SH3D19: variants seen among roughly 807,000 people sequenced by gnomAD.
SH3D19 encodes the protein SH3 domain-containing protein 19.
SH3D19 carries 58 observed loss-of-function variants against 112.1 expected under a neutral mutation model. The ratio of observed to expected loss-of-function variants is 0.52; its 90% CI spans 0.42 to 0.64. SH3D19 has a LOEUF of 0.64. SH3D19 is among the 30% of genes least tolerant of loss of function. The probability of loss-of-function intolerance (pLI) is 0.00; values close to 1 mark genes in which losing one functional copy is unlikely to be tolerated. For missense variants in SH3D19, 1,090 were observed against 1,263.4 expected (o/e 0.86, Z 2.08); for synonymous variants, 391 against 448.5 (o/e 0.87, Z 1.62).
rs557109354 is a variant in SH3D19 at position 151,141,815 on chromosome 4, C to T, written c.2224-1968G>A. Among the ~76,000 whole-genome samples the T allele has an allele frequency of 2.0e-5, 3 of 152,324 alleles. No individual in the cohort carries two copies. The South Asian group carries it at 6.2e-4, about 32-fold the overall frequency. ...AAAATGATGTCAGAGACCTACCACACACCAAACACAAACATGAAATCTCCA... is the reference window on the plus strand; with the variant it reads ...AAAATGATGTCAGAGACCTACCACATACCAAACACAAACATGAAATCTCCA... On this transcript the variant is annotated intron_variant, in intron 12 of 19. Transcript: ENST00000604030.
chr4:151,287,580 G>C (rs893521759), intron 1 of SH3D19, among the ~76,000 whole-genome samples: 1 of 152,106 alleles, frequency 6.6e-6, no homozygotes, highest in African/African-American at 2.4e-5. Context: ...AATCCAAACT[G>C]GGGGTAATTA....
At chr4:151,233,424 G>A (rs4467540) in intron 1 of SH3D19, among the ~76,000 whole-genome samples, 111,139 of 151,902 alleles carry the variant, frequency 0.73, 43,900 homozygotes, top group Non-Finnish European at 0.89. Context: ...ATTCCCTTTC[G>A]ATGCTCTAGG....
intron 2 of SH3D19, among the ~76,000 whole-genome samples, chr4:151,218,142 C>T (rs190581158): frequency 6.8e-4 from 104 of 152,216 alleles, no homozygotes; most frequent in African/African-American, 2.4e-3. Flanking sequence ...AGTTGTAGAA[C>T]TCTTAAGTGC....
Position 151,320,931 on chromosome 4 carries a change from T to A in SH3D19, c.112+4310A>T, listed in dbSNP as rs573483033. Among the ~76,000 whole-genome samples the A allele has an allele frequency of 1.1e-4, 17 of 152,180 alleles. No homozygotes were observed. The South Asian group carries it at 3.3e-3, about 30-fold the overall frequency. ...GGCATGCACCTGTAGTCCCATCTAC[T>A]TGGGAGGCTGAGGCAGGAGAAATCA... On this transcript the variant is annotated intron_variant, in intron 1 of 19. Transcript: ENST00000604030.
At chr4:151,277,797 T>C (rs1394325768) in intron 1 of SH3D19, among the ~76,000 whole-genome samples, 3 of 152,148 alleles carry the variant, frequency 2.0e-5, no homozygotes, top group Non-Finnish European at 4.4e-5. Flanking sequence ...TCCCAGCACT[T>C]TGGGATGCCA....
At chr4:151,250,471 G>A (rs889933450) in intron 1 of SH3D19, among the ~76,000 whole-genome samples, 1 of 151,402 alleles carries the variant, frequency 6.6e-6, no homozygotes, top group African/African-American at 2.4e-5. Context: ...ATGTGTATAT[G>A]GACCCCACAC....
intron 9 of SH3D19, among the ~76,000 whole-genome samples, chr4:151,158,504 T>C (rs1419310378): frequency 6.6e-6 from 1 of 152,032 alleles, no homozygotes; most frequent in Non-Finnish European, 1.5e-5. Flanking sequence ...TTCACCATGT[T>C]AACCAGGCTC....
intron 7 of SH3D19, among the ~76,000 whole-genome samples, chr4:151,169,102 T>TA (rs1758597760): frequency 6.6e-6 from 1 of 152,188 alleles, no homozygotes; most frequent in Non-Finnish European, 1.5e-5. Context: ...CCTATTCTGT[T>TA]AAAGGGTCCA....
intron 2 of SH3D19, among the ~76,000 whole-genome samples, chr4:151,214,749 G>T (rs1227435553): frequency 2.0e-5 from 2 of 99,168 alleles, no homozygotes; most frequent in Non-Finnish European, 5.0e-5. Context: ...TGGGGAGGCT[G>T]GCCGGGCAGG....
intron 2 of SH3D19, among the ~76,000 whole-genome samples, chr4:151,191,866 T>TG (rs1338696934): frequency 1.3e-5 from 2 of 150,024 alleles, no homozygotes; most frequent in Non-Finnish European, 3.0e-5. Flanking sequence ...AGGATGGTCT[T>TG]GATCTCCTGA....
chr4:151,270,473 G>A (rs1376172405), intron 1 of SH3D19, among the ~76,000 whole-genome samples: 1 of 152,170 alleles, frequency 6.6e-6, no homozygotes, highest in Non-Finnish European at 1.5e-5. Context: ...TATGCCTCCT[G>A]TGCAGCCTGC....
rs143420750 is a variant in SH3D19 at position 151,221,436 on chromosome 4, C to T, written c.152+4611G>A. 9.5e-3 allele frequency among the ~76,000 whole-genome samples: 1,440 copies of T among 152,312 alleles called. 22 individuals carry two copies. Among genetic ancestry groups the T allele is most frequent in the African/African-American group, 0.033 (1,374 of 41,550 alleles). On this transcript the variant is annotated intron_variant, in intron 2 of 19. Coordinates refer to ENST00000604030, the MANE Select transcript of SH3D19 (RefSeq NM_001378122.1). Reference sequence around the variant, plus strand: ...TGCTCAGCTGAGGATGGCAGGAGAACAGGTCACCGCCAATGTCAGCAGATA... The same window carrying T: ...TGCTCAGCTGAGGATGGCAGGAGAATAGGTCACCGCCAATGTCAGCAGATA...
intron 2 of SH3D19, among the ~76,000 whole-genome samples, chr4:151,197,767 T>C (rs1763693745): frequency 6.6e-6 from 1 of 152,164 alleles, no homozygotes; most frequent in Admixed American, 6.5e-5. Flanking sequence ...TAAGGGATAA[T>C]AGTGGTCATT....
At chr4:151,277,192 C>T in intron 1 of SH3D19, 1 of 1,497,578 alleles carries the variant, frequency 6.7e-7, no homozygotes, top group Non-Finnish European at 9.0e-7. Context: ...GCTGGCTGTG[C>T]CTTCACGCTG....
chr4:151,198,965 A>ATGAGTTT (rs1462047368), intron 2 of SH3D19, among the ~76,000 whole-genome samples: 2 of 151,876 alleles, frequency 1.3e-5, no homozygotes, highest in African/African-American at 4.8e-5. Context: ...CTAAATATTC[A>ATGAGTTT]ACAATTTCTC....
intron 1 of SH3D19, among the ~76,000 whole-genome samples, chr4:151,259,320 TTCAGG>T (rs1379900374): frequency 3.9e-5 from 6 of 152,140 alleles, no homozygotes; most frequent in African/African-American, 1.2e-4. Context: ...AGTAAGACAC[TTCAGG>T]CAGAGGCAGC....
intron 11 of SH3D19, among the ~76,000 whole-genome samples, chr4:151,147,634 T>G (rs1754160768): frequency 6.6e-6 from 1 of 152,172 alleles, no homozygotes. Context: ...GGTAATTTTT[T>G]GTAATTTTAG....
chr4:151,279,735 G>T, intron 1 of SH3D19: 2 of 1,501,426 alleles, frequency 1.3e-6, no homozygotes, highest in Non-Finnish European at 1.8e-6. Flanking sequence ...TGATGATAAG[G>T]TGGGGACCAG....
At chr4:151,152,220 G>A (rs1755176604) in intron 9 of SH3D19, among the ~76,000 whole-genome samples, 1 of 152,102 alleles carries the variant, frequency 6.6e-6, no homozygotes, top group Admixed American at 6.6e-5. Flanking sequence ...CTCAAGTCTG[G>A]GTTTATGCCC....
Sources: gnomAD v4.1 joint callset for allele counts (sites outside exome capture counted in the v4.1 genomes callset) on GRCh38, gnomAD v4.1.1 for gene constraint, MANE v1.5 for transcripts, NCBI Gene and HGNC (gene_info 2026-07-23, HGNC 2026-07-21) for gene names.